Variants in GALNT17 observed in about 807,000 individuals in gnomAD.
The protein encoded by GALNT17 is polypeptide N-acetylgalactosaminyltransferase 17.
In GALNT17, 29 loss-of-function variants were observed where a neutral mutation model predicts 63.7. The observed-to-expected ratio is 0.46, with a 90% CI of 0.34 to 0.62. The LOEUF (loss-of-function observed/expected upper bound fraction) is 0.62, where lower values mean the gene tolerates loss of function less well. Among genes scored for constraint, GALNT17 ranks in the 20% least tolerant of loss-of-function variants. The pLI is 0.01. For synonymous variants in GALNT17, 305 were observed against 318.3 expected, an observed-to-expected ratio of 0.96 and a Z score of 0.45; for missense variants, 603 against 799.6, an observed-to-expected ratio of 0.75 and a Z score of 2.97.
chr7:71,571,258 A>G (rs1584058928), intron 5 of GALNT17, 27 bp from the exon 6 acceptor site: 1 of 1,604,666 alleles, frequency 6.2e-7, no homozygotes, highest in East Asian at 2.2e-5. Context: ...CACCTCAATG[A>G]GCTTCCCTTC....
chr7:71,492,310 T>C (rs567337770), intron 5 of GALNT17, among the ~76,000 whole-genome samples: 1 of 152,212 alleles, frequency 6.6e-6, no homozygotes, highest in East Asian at 1.9e-4. Context: ...AAATTAAATA[T>C]GAATAAAATG....
At chr7:71,367,820 A>T (rs571954403) in intron 2 of GALNT17, among the ~76,000 whole-genome samples, 1 of 152,352 alleles carries the variant, frequency 6.6e-6, no homozygotes, top group South Asian at 2.1e-4. Context: ...GCATAGAACA[A>T]GCTGCCATTG....
At chr7:71,437,684 C>G (rs1426652208) in intron 5 of GALNT17, among the ~76,000 whole-genome samples, 1 of 152,016 alleles carries the variant, frequency 6.6e-6, no homozygotes, top group East Asian at 1.9e-4. Context: ...GGTTCTGGAG[C>G]CTGTTTCAGT....
At chr7:71,514,574 T>TA (rs1788416150) in intron 5 of GALNT17, among the ~76,000 whole-genome samples, 1 of 152,242 alleles carries the variant, frequency 6.6e-6, no homozygotes, top group African/African-American at 2.4e-5. Flanking sequence ...TCTCTTTTGG[T>TA]AAAAATCTCC....
chr7:71,391,704 C>T (rs117341202), intron 3 of GALNT17, among the ~76,000 whole-genome samples: 3,452 of 152,184 alleles, frequency 0.023, 49 homozygotes, highest in Middle Eastern at 0.061. Context: ...TTAGGCTAGT[C>T]TCAAACTCCT....
At chr7:71,383,741 T>G (rs900601983) in intron 2 of GALNT17, among the ~76,000 whole-genome samples, 7 of 152,200 alleles carry the variant, frequency 4.6e-5, no homozygotes, top group Non-Finnish European at 1.0e-4. Flanking sequence ...GCTCTGTGTT[T>G]TTTTTATCTT....
intron 1 of GALNT17, among the ~76,000 whole-genome samples, chr7:71,163,832 G>C (rs931189940): frequency 6.6e-6 from 1 of 152,230 alleles, no homozygotes; most frequent in African/African-American, 2.4e-5. Context: ...ATTGCCATCT[G>C]TGGGTCCGGA....
In GALNT17 at chr7:71,267,393, G is replaced by A. The variant is rs141212332; in HGVS notation, c.239-68157G>A. Among the ~76,000 whole-genome samples the A allele has an allele frequency of 1.3e-4, 20 of 150,930 alleles. 1 individual carries two copies. The East Asian group carries it at 3.9e-3, about 29-fold the overall frequency. ...TTTTTTTTTTTTTTTTCTTCTAGGA[G>A]GATATGTGGTTTTTAACATAGACAT... On this transcript the variant is annotated intron_variant, in intron 1 of 10. Coordinates refer to ENST00000333538, the MANE Select transcript of GALNT17 (RefSeq NM_022479.3).
At chr7:71,575,557 T>G (rs904394041) in intron 6 of GALNT17, among the ~76,000 whole-genome samples, 3 of 151,988 alleles carry the variant, frequency 2.0e-5, no homozygotes, top group African/African-American at 7.2e-5. Flanking sequence ...CCCGGCTAAG[T>G]TTTTGTACTT....
At chr7:71,678,504 C>A (rs139139710) in intron 9 of GALNT17, among the ~76,000 whole-genome samples, 4,023 of 151,842 alleles carry the variant, frequency 0.026, 64 homozygotes, top group Non-Finnish European at 0.04. Context: ...ATGGCAAAAC[C>A]CCGTCTCTGT....
intron 6 of GALNT17, among the ~76,000 whole-genome samples, chr7:71,603,216 A>G (rs1056609879): frequency 6.6e-6 from 1 of 151,882 alleles, no homozygotes. Flanking sequence ...ACTAGATACT[A>G]TGTTAAGTGC....
At chr7:71,427,083 CTTTT>C (rs879851559) in intron 5 of GALNT17, among the ~76,000 whole-genome samples, 1 of 140,240 alleles carries the variant, frequency 7.1e-6, no homozygotes. Context: ...TTCATTTACT[CTTTT>C]TTTTTTTTTT....
chr7:71,462,168 G>A (rs1220018747), intron 5 of GALNT17, among the ~76,000 whole-genome samples: 1 of 152,132 alleles, frequency 6.6e-6, no homozygotes, highest in East Asian at 1.9e-4. Flanking sequence ...GCACTGTGGG[G>A]TGCAGTGCAT....
intron 1 of GALNT17, among the ~76,000 whole-genome samples, chr7:71,279,280 A>T (rs1325443378): frequency 6.6e-6 from 1 of 151,912 alleles, no homozygotes; most frequent in Non-Finnish European, 1.5e-5. Flanking sequence ...CAGCAGGAAG[A>T]AGTGTTGAGC....
intron 6 of GALNT17, among the ~76,000 whole-genome samples, chr7:71,641,443 T>C (rs1790601596): frequency 1.3e-5 from 2 of 152,088 alleles, no homozygotes; most frequent in Admixed American, 1.3e-4. Flanking sequence ...ACAACAGAAA[T>C]TGATTTCTCA....
chr7:71,637,598 G>A (rs1252690155), intron 6 of GALNT17, among the ~76,000 whole-genome samples: 1 of 152,006 alleles, frequency 6.6e-6, no homozygotes, highest in African/African-American at 2.4e-5. Context: ...AGGTCAGAGT[G>A]AGATGTCCCA....
chr7:71,440,690 C>T (rs1003220948), intron 5 of GALNT17, among the ~76,000 whole-genome samples: 5 of 152,088 alleles, frequency 3.3e-5, no homozygotes, highest in Admixed American at 2.0e-4. Context: ...GAACTGTTTT[C>T]TTGTCTCCTG....
rs747086435 is a variant in GALNT17 at position 71,243,443 on chromosome 7, A to G, written c.239-92107A>G. Among the ~76,000 whole-genome samples the G allele has an allele frequency of 2.6e-5, 4 of 152,194 alleles. No homozygotes were observed. In the South Asian group the frequency reaches 6.2e-4, roughly 24 times the overall value. On this transcript the variant is annotated intron_variant, in intron 1 of 10. Transcript: ENST00000333538. The stretch of plus-strand genomic sequence containing the variant: ...TGTCTGCTCATCATTCTTGTCTAAT[A>G]TAATTCCGGCTTGCTTTATGATGTA...
At chr7:71,382,942 G>A (rs143275736) in intron 2 of GALNT17, among the ~76,000 whole-genome samples, 2 of 152,076 alleles carry the variant, frequency 1.3e-5, no homozygotes, top group East Asian at 1.9e-4. Context: ...TGCCACCACC[G>A]TCCATCTCCA....
Sources: allele counts gnomAD v4.1 joint callset (sites outside exome capture counted in the v4.1 genomes callset), GRCh38; gene constraint gnomAD v4.1.1; transcripts MANE v1.5; gene names NCBI Gene and HGNC (gene_info 2026-07-23, HGNC 2026-07-21).